Variants in FAP observed in about 807,000 individuals in gnomAD.
FAP encodes fibroblast activation protein alpha.
FAP carries 110 observed loss-of-function variants against 126.5 expected under a neutral mutation model. The ratio of observed to expected loss-of-function variants is 0.87; its 90% CI spans 0.74 to 1.02. The LOEUF is 1.02. Ranked by LOEUF, FAP falls within the 50% of genes least tolerant of loss-of-function variation. The probability of loss-of-function intolerance (pLI) is 0.00; values close to 1 mark genes in which losing one functional copy is unlikely to be tolerated. For missense variants in FAP, 919 were observed against 909.2 expected, an observed-to-expected ratio of 1.01 and a Z score of -0.14; for synonymous variants, 334 against 297.3, an observed-to-expected ratio of 1.12 and a Z score of -1.27.
At chr2:162,223,963 C>T (rs1010536193) in intron 5 of FAP, among the ~76,000 whole-genome samples, 3 of 152,078 alleles carry the variant, frequency 2.0e-5, no homozygotes, top group African/African-American at 7.2e-5. Flanking sequence ...TACTCTACCC[C>T]AGAAATTTTC....
chr2:162,216,069 T>C (rs1689150740), intron 9 of FAP, 68 bp from the exon 10 acceptor site: 4 of 1,130,944 alleles, frequency 3.5e-6, no homozygotes, highest in Non-Finnish European at 5.3e-6. Flanking sequence ...AAAGAAACTT[T>C]AGGAATTTAG....
At chr2:162,243,296 G>T in intron 1 of FAP, 26 bp downstream of exon 1, 1 of 1,554,234 alleles carries the variant, frequency 6.4e-7, no homozygotes, top group South Asian at 1.1e-5. Flanking sequence ...AATTTTTTAA[G>T]AATACTTGAG....
chr2:162,176,816 G>T (rs1687503414), intron 21 of FAP: 1 of 152,070 alleles, frequency 6.6e-6, no homozygotes. Context: ...TCATGAAAAG[G>T]TTTTTGAATA....
Position 162,183,394 on chromosome 2 carries a change from A to C in FAP, c.1869+20T>G, listed in dbSNP as rs1321957726. On this transcript the variant is annotated intron_variant, in intron 21 of 25. Coordinates refer to ENST00000188790, the MANE Select transcript of FAP (RefSeq NM_004460.5). Reference sequence around the variant, plus strand: ...ATTGCTGAACTGAATAACAGGCATAAAAAATATAAAACAACTCACCCAGCC... The same window carrying C: ...ATTGCTGAACTGAATAACAGGCATACAAAATATAAAACAACTCACCCAGCC... 2 of 1,580,334 alleles carry C rather than the reference A, an allele frequency of 1.3e-6. No individual in the cohort carries two copies. Among genetic ancestry groups the C allele is most frequent in the African/African-American group, 2.7e-5 (2 of 74,046 alleles).
intron 6 of FAP, among the ~76,000 whole-genome samples, chr2:162,223,291 C>T (rs943007945): frequency 1.3e-5 from 2 of 152,002 alleles, no homozygotes; most frequent in African/African-American, 4.8e-5. Flanking sequence ...GTCTCATTTC[C>T]AAGAATGTTT....
intron 15 of FAP, 74 bp from the exon 16 acceptor site, chr2:162,198,955 A>G: frequency 7.5e-7 from 1 of 1,333,208 alleles, no homozygotes; most frequent in Non-Finnish European, 1.1e-6. Context: ...CTCCATGTAA[A>G]GTGACTAATT....
intron 1 of FAP, 34 bp from the exon 2 acceptor site, chr2:162,243,026 A>T (rs754106976): frequency 6.6e-7 from 1 of 1,524,608 alleles, no homozygotes; most frequent in East Asian, 2.3e-5. Context: ...GCATACACAC[A>T]GTTCCTGCTA....
At chr2:162,193,664 T>G (rs1384104488) in intron 17 of FAP, 2 of 152,176 alleles carry the variant, frequency 1.3e-5, no homozygotes, top group Non-Finnish European at 2.9e-5. Context: ...TAAAAGTATT[T>G]CCTTATTAGA....
At chr2:162,237,760 C>T (rs1690196089) in intron 2 of FAP, among the ~76,000 whole-genome samples, 3 of 152,140 alleles carry the variant, frequency 2.0e-5, no homozygotes, top group Admixed American at 1.3e-4. Flanking sequence ...GGTTCTAGAT[C>T]CTTGAGGAAT....
chr2:162,202,995 C>T, intron 13 of FAP, 46 bp downstream of exon 13: 1 of 1,596,910 alleles, frequency 6.3e-7, no homozygotes. Flanking sequence ...TTTGAGCAAC[C>T]TCAAGTGAAT....
chr2:162,200,723 T>G (rs775000615), intron 14 of FAP, 104 bp from the exon 15 acceptor site: 3 of 556,344 alleles, frequency 5.4e-6, no homozygotes, highest in Non-Finnish European at 9.5e-6. Flanking sequence ...ATTTATCTAA[T>G]GAAACAATTA....
intron 15 of FAP, 124 bp downstream of exon 15, chr2:162,200,442 A>G (rs13386912): frequency 1.7e-6 from 1 of 602,410 alleles, no homozygotes; most frequent in East Asian, 3.1e-5. Context: ...TGTTTTCTCT[A>G]AATTCATAAA....
At chr2:162,204,651 C>T (rs1688627876) in intron 12 of FAP, among the ~76,000 whole-genome samples, 1 of 152,138 alleles carries the variant, frequency 6.6e-6, no homozygotes, top group Admixed American at 6.5e-5. Context: ...TCTCTTGAGT[C>T]TTCATAGGGA....
At chr2:162,241,972 C>G (rs1690370756) in intron 2 of FAP, among the ~76,000 whole-genome samples, 1 of 152,150 alleles carries the variant, frequency 6.6e-6, no homozygotes, top group Admixed American at 6.5e-5. Context: ...TCATTCAGGA[C>G]TCATACATTC....
intron 16 of FAP, among the ~76,000 whole-genome samples, chr2:162,195,737 T>C (rs1688229800): frequency 6.6e-6 from 1 of 152,126 alleles, no homozygotes; most frequent in Non-Finnish European, 1.5e-5. Flanking sequence ...AACAAATTAT[T>C]CCTTATTTGA....
At chr2:162,192,557 C>T (rs995065084) in intron 17 of FAP, among the ~76,000 whole-genome samples, 5 of 152,066 alleles carry the variant, frequency 3.3e-5, no homozygotes, top group African/African-American at 9.7e-5. Flanking sequence ...TTTGTCCACT[C>T]GGCTCATATC....
Position 162,203,199 on chromosome 2 carries a change from A to G in FAP, c.1048-54T>C, listed in dbSNP as rs372992761. On this transcript the variant is annotated intron_variant, in intron 12 of 25. Coordinates refer to ENST00000188790, the MANE Select transcript of FAP (RefSeq NM_004460.5). ...AAAAGACAAACCAAACTAAAACCAT[A>G]GATTTTGTTTTAATATATAAAAGCG... The G allele has an allele frequency of 7.3e-5, 91 of 1,238,320 alleles. No homozygotes were observed. The African/African-American group carries it at 1.2e-3, about 16-fold the overall frequency. 76.7% of individuals were successfully genotyped at this position (1,238,320 alleles called of 1,614,324 possible). A position where few individuals can be genotyped will look rare whatever the true frequency, so the allele number is the denominator to read the frequency against.
At chr2:162,183,665 C>CTT in intron 20 of FAP, 197 bp from the exon 21 acceptor site, 1 of 517,352 alleles carries the variant, frequency 1.9e-6, no homozygotes, top group South Asian at 2.3e-5. Context: ...AAAGGATTCC[C>CTT]TTAGACTCTG....
Position 162,243,015 on chromosome 2 carries a change from G to A in FAP, c.7-23C>T, listed in dbSNP as rs762844483. The A allele has an allele frequency of 2.5e-6, 4 of 1,575,976 alleles. No individual in the cohort carries two copies. In the East Asian group the frequency reaches 9.0e-5, roughly 36 times the overall value. On this transcript the variant is annotated intron_variant, in intron 1 of 25. Coordinates refer to ENST00000188790, the MANE Select transcript of FAP (RefSeq NM_004460.5). The stretch of plus-strand genomic sequence containing the variant: ...AGTCTACATAAAATAAAGAGAATTA[G>A]GCATACACACAGTTCCTGCTAAATA...
Sources: gnomAD v4.1 joint callset for allele counts (sites outside exome capture counted in the v4.1 genomes callset) on GRCh38, gnomAD v4.1.1 for gene constraint, MANE v1.5 for transcripts, NCBI Gene and HGNC (gene_info 2026-07-23, HGNC 2026-07-21) for gene names.